Variants in RORA observed in about 807,000 individuals in gnomAD.
The protein encoded by RORA is RAR related orphan receptor A, also known as nuclear receptor ROR-alpha.
Under a neutral mutation model 69.5 loss-of-function variants are expected in RORA, and 7 were observed. The ratio of observed to expected loss-of-function variants is 0.10; its 90% CI spans 0.06 to 0.19. The LOEUF is 0.19. Ranked by LOEUF, RORA falls within the 10% of genes least tolerant of loss-of-function variation. RORA has a pLI of 1.00. For missense variants in RORA, 457 were observed against 663.0 expected, an observed-to-expected ratio of 0.69 and a Z score of 3.41; for synonymous variants, 261 against 240.8, an observed-to-expected ratio of 1.08 and a Z score of -0.78.
chr15:61,034,302 C>T (rs1314826717), intron 1 of RORA, among the ~76,000 whole-genome samples: 1 of 152,120 alleles, frequency 6.6e-6, no homozygotes, highest in African/African-American at 2.4e-5. Context: ...CTAGCATTTT[C>T]TTTTAAAAAT....
At chr15:61,007,342 G>A (rs187001109) in intron 1 of RORA, among the ~76,000 whole-genome samples, 2 of 151,864 alleles carry the variant, frequency 1.3e-5, no homozygotes, top group Admixed American at 6.6e-5. Context: ...TATATGATAC[G>A]GACTAAAACA....
intron 2 of RORA, among the ~76,000 whole-genome samples, chr15:60,565,450 T>C (rs1223608068): frequency 3.3e-5 from 5 of 152,186 alleles, no homozygotes; most frequent in African/African-American, 9.6e-5. Flanking sequence ...ATGAAATAAA[T>C]TGCATTTGTC....
chr15:60,984,021 G>A (rs1193997275), intron 1 of RORA, among the ~76,000 whole-genome samples: 1 of 152,126 alleles, frequency 6.6e-6, no homozygotes, highest in Non-Finnish European at 1.5e-5. Context: ...ACTCTGCTGT[G>A]TTTTTAACTC....
chr15:60,607,947 A>C (rs1305892509), intron 2 of RORA, among the ~76,000 whole-genome samples: 1 of 152,272 alleles, frequency 6.6e-6, no homozygotes, highest in Non-Finnish European at 1.5e-5. Context: ...CCATGCACAC[A>C]CATGATACCG....
chr15:60,533,417 T>C (rs919100362), intron 2 of RORA, among the ~76,000 whole-genome samples: 1 of 152,232 alleles, frequency 6.6e-6, no homozygotes, highest in Non-Finnish European at 1.5e-5. Context: ...TAAGGTTGCA[T>C]TCAACAAAAG....
intron 1 of RORA, among the ~76,000 whole-genome samples, chr15:60,742,531 TTTA>T (rs1395669546): frequency 1.3e-5 from 2 of 152,234 alleles, no homozygotes; most frequent in Non-Finnish European, 1.5e-5. Context: ...TTTGTAAGTA[TTTA>T]TTATTATTAA....
At chr15:60,702,926 C>T (rs910471738) in intron 1 of RORA, among the ~76,000 whole-genome samples, 33 of 152,166 alleles carry the variant, frequency 2.2e-4, no homozygotes, top group African/African-American at 7.5e-4. Flanking sequence ...GCGGAATATT[C>T]CAATACGTCC....
At chr15:61,178,959 T>C (rs898140548) in intron 1 of RORA, among the ~76,000 whole-genome samples, 4 of 152,240 alleles carry the variant, frequency 2.6e-5, no homozygotes, top group African/African-American at 9.6e-5. Flanking sequence ...TACATACTTT[T>C]TCCTTTGGTA....
chr15:61,167,307 T>C (rs539489040), intron 1 of RORA, among the ~76,000 whole-genome samples: 8 of 152,180 alleles, frequency 5.3e-5, no homozygotes, highest in Non-Finnish European at 8.8e-5. Flanking sequence ...CTGATATTCA[T>C]ATAGTCCAGA....
At chr15:60,824,764 T>C (rs2072935832) in intron 1 of RORA, among the ~76,000 whole-genome samples, 2 of 152,214 alleles carry the variant, frequency 1.3e-5, no homozygotes, top group Admixed American at 6.5e-5. Flanking sequence ...TTAGCTCTCA[T>C]TGGAAACCAA....
chr15:60,503,708 G>A (rs1338178270), intron 6 of RORA, 41 bp from the exon 7 acceptor site: 1 of 1,607,272 alleles, frequency 6.2e-7, no homozygotes, highest in Non-Finnish European at 8.5e-7. Context: ...CCAGGAAGAT[G>A]TTAGCTTTTG....
chr15:61,094,551 C>T (rs962424023), intron 1 of RORA, among the ~76,000 whole-genome samples: 1 of 152,206 alleles, frequency 6.6e-6, no homozygotes, highest in South Asian at 2.1e-4. Flanking sequence ...GGTCCCACTT[C>T]TCTCAAACAA....
At chr15:61,122,598 G>A (rs1035976811) in intron 1 of RORA, among the ~76,000 whole-genome samples, 1 of 152,074 alleles carries the variant, frequency 6.6e-6, no homozygotes, top group Non-Finnish European at 1.5e-5. Context: ...ACCCTACGGA[G>A]GATATCACTT....
At chr15:61,184,047 C>T (rs904871707) in intron 1 of RORA, among the ~76,000 whole-genome samples, 1 of 152,174 alleles carries the variant, frequency 6.6e-6, no homozygotes, top group Admixed American at 6.5e-5. Context: ...CTATCAAAGC[C>T]CAGTTCCCAT....
chr15:61,148,669 T>C (rs2079371964), intron 1 of RORA, among the ~76,000 whole-genome samples: 1 of 152,238 alleles, frequency 6.6e-6, no homozygotes, highest in African/African-American at 2.4e-5. Context: ...TGCAATTTCA[T>C]GGCCAATTCA....
At chr15:60,626,644 T>C (rs180814379) in intron 2 of RORA, among the ~76,000 whole-genome samples, 113 of 152,220 alleles carry the variant, frequency 7.4e-4, no homozygotes, top group Non-Finnish European at 1.3e-3. Context: ...CCCCATTTGA[T>C]AGGACATTTG....
intron 1 of RORA, among the ~76,000 whole-genome samples, chr15:61,183,612 C>T (rs2079710303): frequency 6.6e-6 from 1 of 151,882 alleles, no homozygotes; most frequent in South Asian, 2.1e-4. Flanking sequence ...CCTTTCAAAC[C>T]CTTGTTAGAA....
intron 1 of RORA, among the ~76,000 whole-genome samples, chr15:61,105,007 G>A (rs1319577413): frequency 9.4e-6 from 1 of 106,802 alleles, no homozygotes; most frequent in African/African-American, 3.6e-5. Context: ...CCCCCCCACC[G>A]CCCAGCCACG....
intron 1 of RORA, among the ~76,000 whole-genome samples, chr15:60,983,815 A>G (rs1407427792): frequency 6.6e-6 from 1 of 152,190 alleles, no homozygotes; most frequent in African/African-American, 2.4e-5. Context: ...TAAAATGTCT[A>G]AAACCGAGCT....
Sources: allele counts gnomAD v4.1 joint callset (sites outside exome capture counted in the v4.1 genomes callset), GRCh38; gene constraint gnomAD v4.1.1; transcripts MANE v1.5; gene names NCBI Gene and HGNC (gene_info 2026-07-23, HGNC 2026-07-21).